Variants in GALNTL6 observed in about 807,000 individuals in gnomAD.
The protein encoded by GALNTL6 is polypeptide N-acetylgalactosaminyltransferase-like 6.
A neutral mutation model predicts 73.7 loss-of-function variants in GALNTL6; 46 were observed. The observed-to-expected ratio is 0.62, with a 90% CI of 0.49 to 0.80. The LOEUF is 0.80. GALNTL6 is among the 30% of genes least tolerant of loss of function. The pLI is 0.00. For missense variants in GALNTL6, 604 were observed against 755.0 expected, an observed-to-expected ratio of 0.80 and a Z score of 2.34; for synonymous variants, 259 against 263.7, an observed-to-expected ratio of 0.98 and a Z score of 0.17.
chr4:172,875,732 A>ACAC (rs1745159920), intron 7 of GALNTL6, among the ~76,000 whole-genome samples: 2 of 145,718 alleles, frequency 1.4e-5, no homozygotes, highest in Admixed American at 6.9e-5. Context: ...CTCATACATA[A>ACAC]ACACACACAC....
intron 2 of GALNTL6, among the ~76,000 whole-genome samples, chr4:171,842,293 C>G (rs1003062772): frequency 6.6e-6 from 1 of 152,106 alleles, no homozygotes; most frequent in Non-Finnish European, 1.5e-5. Flanking sequence ...TTAGTTGTTA[C>G]ATTTCTTATC....
intron 5 of GALNTL6, among the ~76,000 whole-genome samples, chr4:172,665,310 G>C (rs1409149914): frequency 1.3e-5 from 2 of 152,182 alleles, no homozygotes; most frequent in Non-Finnish European, 2.9e-5. Flanking sequence ...TCATGCCATT[G>C]CAAGCTTCCA....
chr4:171,930,625 A>G (rs537285846), intron 2 of GALNTL6, among the ~76,000 whole-genome samples: 2 of 152,266 alleles, frequency 1.3e-5, no homozygotes, highest in South Asian at 4.2e-4. Context: ...ACCTGAGGTC[A>G]GGAGTTCAAG....
At chr4:172,967,037 C>T (rs963440404) in intron 10 of GALNTL6, among the ~76,000 whole-genome samples, 3 of 152,242 alleles carry the variant, frequency 2.0e-5, no homozygotes, top group Admixed American at 6.5e-5. Flanking sequence ...GCCTCCGTGG[C>T]TAAATTCTTT....
At chr4:172,940,248 G>A (rs1194147866) in intron 9 of GALNTL6, among the ~76,000 whole-genome samples, 2 of 148,050 alleles carry the variant, frequency 1.4e-5, no homozygotes, top group African/African-American at 5.0e-5. Context: ...GTTGGCCACT[G>A]ATACATGAAA....
At chr4:172,467,070 A>G (rs889296409) in intron 5 of GALNTL6, among the ~76,000 whole-genome samples, 3 of 152,188 alleles carry the variant, frequency 2.0e-5, no homozygotes, top group Admixed American at 6.5e-5. Flanking sequence ...TAATCAATAC[A>G]TCAACTCTTA....
Position 172,878,904 on chromosome 4 carries a change from T to C in GALNTL6, c.924-3886T>C, listed in dbSNP as rs116122418. Among the ~76,000 whole-genome samples, 652 of 151,796 alleles carry C rather than the reference T, an allele frequency of 4.3e-3. 7 individuals carry two copies. Among genetic ancestry groups the C allele is most frequent in the African/African-American group, 0.015 (606 of 41,504 alleles). On this transcript the variant is annotated intron_variant, in intron 7 of 12. Transcript: ENST00000506823. ...CACAAATAGTTTAAAAGTAAAAAGA[T>C]AGAAAAAGTTATAAATACTAGTATT... is the stretch of plus-strand genomic sequence containing the variant.
chr4:172,554,152 C>A (rs1736061076), intron 5 of GALNTL6, among the ~76,000 whole-genome samples: 1 of 152,170 alleles, frequency 6.6e-6, no homozygotes, highest in Non-Finnish European at 1.5e-5. Context: ...TAACTCCCAC[C>A]CCAACTGTAT....
chr4:171,983,518 C>A (rs1739979859), intron 2 of GALNTL6, among the ~76,000 whole-genome samples: 1 of 150,444 alleles, frequency 6.6e-6, no homozygotes, highest in Non-Finnish European at 1.5e-5. Context: ...GAGACGGGGT[C>A]TCTCATTCTG....
At chr4:172,764,229 T>C (rs1218473104) in intron 5 of GALNTL6, among the ~76,000 whole-genome samples, 13 of 152,172 alleles carry the variant, frequency 8.5e-5, no homozygotes, top group African/African-American at 3.1e-4. Flanking sequence ...AAGTGCTGGA[T>C]TACAGGCGCG....
chr4:172,718,200 T>C (rs1005252262), intron 5 of GALNTL6, among the ~76,000 whole-genome samples: 1 of 152,236 alleles, frequency 6.6e-6, no homozygotes, highest in Non-Finnish European at 1.5e-5. Context: ...ACTTCATCGT[T>C]ATGATGATTC....
chr4:172,328,233 T>C (rs190340328), intron 4 of GALNTL6, among the ~76,000 whole-genome samples: 15 of 152,310 alleles, frequency 9.8e-5, no homozygotes, highest in Admixed American at 9.1e-4. Context: ...TCTTCTTTCT[T>C]GTAGAGTTTC....
At chr4:172,023,979 CTATT>C (rs1435134975) in intron 2 of GALNTL6, among the ~76,000 whole-genome samples, 1 of 151,676 alleles carries the variant, frequency 6.6e-6, no homozygotes, top group Non-Finnish European at 1.5e-5. Context: ...TTTTACTGGT[CTATT>C]CATTCATTTA....
intron 2 of GALNTL6, among the ~76,000 whole-genome samples, chr4:171,874,431 C>G (rs1211844640): frequency 6.6e-6 from 1 of 152,124 alleles, no homozygotes; most frequent in African/African-American, 2.4e-5. Context: ...CTCAAATGAC[C>G]TGTCCATCTC....
intron 12 of GALNTL6, among the ~76,000 whole-genome samples, chr4:173,023,987 T>A (rs1259800793): frequency 6.6e-6 from 1 of 152,190 alleles, no homozygotes; most frequent in Non-Finnish European, 1.5e-5. Flanking sequence ...TGGTTCCTAA[T>A]GAACAGAACA....
At chr4:172,105,059 T>C (rs1189016147) in intron 2 of GALNTL6, among the ~76,000 whole-genome samples, 1 of 151,566 alleles carries the variant, frequency 6.6e-6, no homozygotes, top group Non-Finnish European at 1.5e-5. Flanking sequence ...TGCAAATAGA[T>C]TGCCAATAAA....
At chr4:172,445,782 C>G (rs973304107) in intron 5 of GALNTL6, among the ~76,000 whole-genome samples, 2 of 152,112 alleles carry the variant, frequency 1.3e-5, no homozygotes, top group African/African-American at 4.8e-5. Context: ...TGTGTTTTCT[C>G]TCTTCCTCCT....
intron 2 of GALNTL6, among the ~76,000 whole-genome samples, chr4:172,205,064 A>G (rs1341015449): frequency 6.6e-6 from 1 of 152,228 alleles, no homozygotes; most frequent in Non-Finnish European, 1.5e-5. Context: ...AAATGTGCAT[A>G]TTCAGCTAAT....
At chr4:172,437,783 A>G (rs2111395032) in intron 5 of GALNTL6, among the ~76,000 whole-genome samples, 1 of 152,202 alleles carries the variant, frequency 6.6e-6, no homozygotes, top group South Asian at 2.1e-4. Flanking sequence ...ATATTTCAGG[A>G]TTAGTGGCAT....
Sources: allele counts gnomAD v4.1 joint callset (sites outside exome capture counted in the v4.1 genomes callset), GRCh38; gene constraint gnomAD v4.1.1; transcripts MANE v1.5; gene names NCBI Gene and HGNC (gene_info 2026-07-23, HGNC 2026-07-21).